Variants in REDIC1 observed in about 807,000 individuals in gnomAD.
REDIC1 encodes regulator of DNA class I crossover intermediates 1.
the REDIC1 span, among the ~76,000 whole-genome samples, chr12:39,804,362 G>A: frequency 1.3e-5 from 2 of 152,048 alleles, no homozygotes; most frequent in African/African-American, 2.4e-5. Flanking sequence ...AATATACTTC[G>A]AGCTATGTGA....
the REDIC1 span, among the ~76,000 whole-genome samples, chr12:39,712,662 TGTATACATGTGTATATATGTATATATAC>T: frequency 6.9e-6 from 1 of 144,348 alleles, no homozygotes; most frequent in Non-Finnish European, 1.5e-5. Flanking sequence ...TATATATGTA[TGTATACATGTGTATATATGTATATATAC>T]GTATACGTGT....
the REDIC1 span, among the ~76,000 whole-genome samples, chr12:39,649,414 A>G: frequency 2.0e-5 from 3 of 151,690 alleles, no homozygotes; most frequent in African/African-American, 7.3e-5. Context: ...ATATAATATT[A>G]TATTCTCTTC....
At chr12:39,859,333 G>A in the REDIC1 span, among the ~76,000 whole-genome samples, 103 of 61,938 alleles carry the variant, frequency 1.7e-3, no homozygotes, top group Non-Finnish European at 1.8e-3. Context: ...TTTTTTTTCT[G>A]AAAAAAAAAA....
At chr12:39,773,127 T>A in the REDIC1 span, among the ~76,000 whole-genome samples, 1 of 152,190 alleles carries the variant, frequency 6.6e-6, no homozygotes, top group Non-Finnish European at 1.5e-5. Context: ...TACTTTGACA[T>A]CAGTGTGTGG....
chr12:39,753,874 G>A, the REDIC1 span, among the ~76,000 whole-genome samples: 5 of 152,158 alleles, frequency 3.3e-5, no homozygotes, highest in Non-Finnish European at 7.4e-5. Flanking sequence ...GAGTGGTTCA[G>A]TAATTTAGGT....
At chr12:39,699,429 G>A in the REDIC1 span, among the ~76,000 whole-genome samples, 66 of 152,338 alleles carry the variant, frequency 4.3e-4, 1 homozygote, top group South Asian at 0.012. Context: ...ATTATATCCC[G>A]CACATGGCTC....
the REDIC1 span, among the ~76,000 whole-genome samples, chr12:39,902,492 A>T: frequency 7.1e-4 from 108 of 152,164 alleles, 1 homozygote; most frequent in African/African-American, 2.6e-3. Flanking sequence ...AATAAATTAA[A>T]CAGTGGCATA....
chr12:39,739,712 C>T, the REDIC1 span, among the ~76,000 whole-genome samples: 1 of 152,110 alleles, frequency 6.6e-6, no homozygotes, highest in Admixed American at 6.5e-5. Context: ...TGTAGATTTC[C>T]AAAATGGTCA....
chr12:39,706,390 C>T, the REDIC1 span, among the ~76,000 whole-genome samples: 1 of 151,912 alleles, frequency 6.6e-6, no homozygotes, highest in Non-Finnish European at 1.5e-5. Context: ...CTACCCTAAG[C>T]AATCTATTCA....
the REDIC1 span, among the ~76,000 whole-genome samples, chr12:39,688,505 G>A: frequency 6.6e-6 from 1 of 152,198 alleles, no homozygotes; most frequent in Middle Eastern, 3.4e-3. Context: ...AATGATAAAG[G>A]GTGCAGGAGT....
At chr12:39,759,993 G>C in the REDIC1 span, 2 of 1,553,784 alleles carry the variant, frequency 1.3e-6, no homozygotes, top group Non-Finnish European at 1.8e-6. Context: ...CCCCCAGTTT[G>C]TTTAAATAAC....
chr12:39,787,845 A>T, the REDIC1 span, among the ~76,000 whole-genome samples: 2 of 152,176 alleles, frequency 1.3e-5, no homozygotes, highest in Admixed American at 1.3e-4. Context: ...CATCAAGTTT[A>T]CTGATAATTC....
chr12:39,761,832 C>T, the REDIC1 span, among the ~76,000 whole-genome samples: 1,148 of 152,134 alleles, frequency 7.5e-3, 15 homozygotes, highest in African/African-American at 0.025. Context: ...TCTGTAACAG[C>T]AAACCCAGTT....
chr12:39,707,102 G>A, the REDIC1 span, among the ~76,000 whole-genome samples: 1 of 151,898 alleles, frequency 6.6e-6, no homozygotes, highest in Non-Finnish European at 1.5e-5. Flanking sequence ...GAAAATATTT[G>A]CAAATTACCT....
the REDIC1 span, chr12:39,643,807 C>G: frequency 7.7e-6 from 12 of 1,548,518 alleles, no homozygotes; most frequent in African/African-American, 1.4e-5. Context: ...AGGTTAAAAT[C>G]AAAAATGAAA....
At chr12:39,771,278 G>A in the REDIC1 span, among the ~76,000 whole-genome samples, 4 of 152,096 alleles carry the variant, frequency 2.6e-5, no homozygotes, top group East Asian at 7.8e-4. Context: ...ATTTGCTTCC[G>A]ACCAACAGAA....
the REDIC1 span, among the ~76,000 whole-genome samples, chr12:39,745,154 C>A: frequency 4.7e-4 from 72 of 152,286 alleles, no homozygotes; most frequent in African/African-American, 1.5e-3. Context: ...AAAGTCCTAA[C>A]TAAATCCTGA....
chr12:39,852,831 T>C, the REDIC1 span, among the ~76,000 whole-genome samples: 1 of 152,180 alleles, frequency 6.6e-6, no homozygotes. Context: ...GGTATAACTT[T>C]GTAACATCAG....
the REDIC1 span, chr12:39,646,700 C>T: frequency 5.2e-6 from 3 of 578,510 alleles, no homozygotes; most frequent in Non-Finnish European, 8.4e-6. Context: ...TTTTATAAAA[C>T]TTAGTAATAT....
Sources: allele counts gnomAD v4.1 joint callset (sites outside exome capture counted in the v4.1 genomes callset), GRCh38; gene constraint gnomAD v4.1.1; transcripts MANE v1.5; gene names NCBI Gene and HGNC (gene_info 2026-07-23, HGNC 2026-07-21).